Variants in ZMYM3 observed in about 807,000 individuals in gnomAD.
ZMYM3 encodes the protein zinc finger MYM-type containing 3, also known as zinc finger MYM-type protein 3.
In ZMYM3, 6 loss-of-function variants were observed where a neutral mutation model predicts 94.2. The ratio of observed to expected loss-of-function variants is 0.06; its 90% confidence interval spans 0.03 to 0.13. The LOEUF (loss-of-function observed/expected upper bound fraction) is 0.13, where lower values mean the gene tolerates loss of function less well. Ranked by LOEUF, ZMYM3 falls within the 10% of genes least tolerant of loss-of-function variation. The pLI, the probability that ZMYM3 is intolerant of heterozygous loss-of-function variation, is 1.00. For synonymous variants in ZMYM3, 420 were observed against 426.5 expected (o/e 0.98, Z 0.19); for missense variants, 664 against 1,132.6 (o/e 0.59, Z 5.94).
intron 14 of ZMYM3, 39 bp from the exon 15 acceptor site, chrX:71,246,551 T>C (rs757091179): frequency 6.2e-5 from 74 of 1,202,475 alleles, no homozygotes; most frequent in Middle Eastern, 2.3e-4. Context: ...CCAACCGCCG[T>C]ACCCTCCTCT....
chrX:71,252,716 G>A lies in ZMYM3; in HGVS notation c.540C>T (p.Pro180=). The A allele has an allele frequency of 8.3e-7, 1 of 1,205,953 alleles. No homozygotes were observed. Among genetic ancestry groups the A allele is most frequent in the East Asian group, 3.0e-5 (1 of 33,819 alleles). The change falls in exon 2 of 25, where the codon CCC becomes CCT. Residue 180 remains proline, a synonymous_variant. Transcript: ENST00000314425. ...RGSPGQEEEL[P]QGQPQSPNAP... is the part of the protein sequence containing the mutation. The stretch of plus-strand genomic sequence containing the variant: ...CATTTGGGCTCTGTGGCTGCCCTTG[G>A]GGAAGCTCCTCCTCCTGCCCAGGGG...
rs1163438554 is a variant in ZMYM3 at position 71,246,654 on chromosome X, T to C, written c.2353A>G (p.Thr785Ala). The C allele has an allele frequency of 8.3e-7, 1 of 1,209,704 alleles. No homozygotes were observed. The highest frequency in any genetic ancestry group is 1.8e-5 in the African/African-American group (1 of 57,049). Reference protein sequence around the residue: ...PESKPQTPSQTKVENSNTVRT... With the variant: ...PESKPQTPSQAKVENSNTVRT... Reference sequence around the variant, plus strand: ...ACTGTGTTGCTGTTCTCCACTTTGGTTTGAGAGGGTGTCTGGGGTTTTGAC... The same window carrying C: ...ACTGTGTTGCTGTTCTCCACTTTGGCTTGAGAGGGTGTCTGGGGTTTTGAC... The change falls in exon 14 of 25, where the codon ACC becomes GCC. Residue 785 changes from threonine (T) to alanine (A), a missense_variant. Thr to Ala is a moderately conservative substitution (Grantham distance 58). Transcript: ENST00000314425.
At position 71,252,967 on chromosome X, in the gene ZMYM3, G is replaced by C; in HGVS notation, c.289C>G (p.His97Asp). The C allele has an allele frequency of 8.3e-7, 1 of 1,211,526 alleles. No individual in the cohort carries two copies. The highest frequency in any genetic ancestry group is 1.1e-6 in the Non-Finnish European group (1 of 895,369). The change falls in exon 2 of 25, where the codon CAC becomes GAC. Residue 97 changes from histidine (H) to aspartate (D), a missense_variant. His to Asp is a moderately conservative substitution (Grantham distance 81). Coordinates refer to ENST00000314425, the MANE Select transcript of ZMYM3 (RefSeq NM_201599.3). ...YKAPSPPEVD[H>D]GPEGTLAWDA... is the part of the protein sequence containing the mutation. ...CATGCCAGGGTTCCCTCAGGACCGT[G>C]GTCCACCTCCGGGGGAGAGGGGGCT...
intron 21 of ZMYM3, 140 bp from the exon 22 acceptor site, chrX:71,243,224 T>G (rs1312471833): frequency 2.0e-6 from 1 of 503,092 alleles, no homozygotes; most frequent in Non-Finnish European, 3.4e-6. Context: ...TGGCCTCGAG[T>G]GCTTTCCCCC....
Position 71,240,814 on chromosome X carries a change from C to T in ZMYM3, c.*102G>A. 2.2e-6 allele frequency: 2 copies of T among 903,950 alleles called. No homozygotes were observed. The highest frequency in any genetic ancestry group is 3.5e-4 in the Middle Eastern group (1 of 2,880). 74.5% of individuals were successfully genotyped at this position (903,950 alleles called of 1,213,427 possible). ...GGTGAGCGGAAAGGAGCAGTCAGGG[C>T]CCTTCAGAATGAGTAGCATTGGTTC... On this transcript the variant is annotated 3_prime_UTR_variant, in exon 25 of 25. Coordinates refer to ENST00000314425, the MANE Select transcript of ZMYM3 (RefSeq NM_201599.3).
chrX:71,242,047 A>G (rs867039411), intron 23 of ZMYM3, 123 bp downstream of exon 23: 1 of 796,747 alleles, frequency 1.3e-6, no homozygotes, highest in Admixed American at 4.7e-5. Flanking sequence ...GCACACAGGA[A>G]CAGGAGAGGG....
rs1170440885 is a variant in ZMYM3, at chrX:71,253,034, A to T, written c.222T>A (p.Asp74Glu). 8.3e-7 allele frequency: 1 copy of T among 1,203,244 alleles called. No individual in the cohort carries two copies. Among genetic ancestry groups the T allele is most frequent in the Admixed American group, 2.2e-5 (1 of 45,020 alleles). ...CCAGCCCCAGCAACTCAGTGGCTCC[A>T]TCCAGGACTCCAGGGTCTTTTTCCA... ...AGLEKDPGVL[D>E]GATELLGLGG... Residue 74 changes from aspartate to glutamate, a missense_variant, in exon 2 of 25, where the codon GAT becomes GAA. Transcript: ENST00000314425.
intron 16 of ZMYM3, 50 bp from the exon 17 acceptor site, chrX:71,245,892 G>A (rs2030146491): frequency 1.7e-6 from 2 of 1,193,118 alleles, no homozygotes; most frequent in African/African-American, 1.8e-5. Flanking sequence ...CAGCAGTTGG[G>A]GGGAAGTTGG....
chrX:71,242,439 G>A lies in ZMYM3; in HGVS notation c.3548-15C>T. ...GAACACCGTATCTACAATGGTCAAG[G>A]GGGAGAGGCCAGTCAGGAGGGAGTG... On this transcript the variant is annotated splice_polypyrimidine_tract_variant and intron_variant, in intron 22 of 24. Transcript: ENST00000314425. The A allele has an allele frequency of 4.1e-6, 5 of 1,207,243 alleles. No individual in the cohort carries two copies. Among genetic ancestry groups the A allele is most frequent in the Non-Finnish European group, 5.6e-6 (5 of 892,321 alleles).
chrX:71,241,391 A>G, intron 23 of ZMYM3, 47 bp from the exon 24 acceptor site: 1 of 1,020,785 alleles, frequency 9.8e-7, no homozygotes, highest in Non-Finnish European at 1.3e-6. Flanking sequence ...CACAGGCTCC[A>G]TGAGCCACAT....
rs2030119169 is a variant in ZMYM3, at chrX:71,245,261, CAGGGACACA to C, written c.3007+69_3007+77del. The stretch of plus-strand genomic sequence containing the variant: ...AATGAACACTTTTCAGGGTCATGCT[CAGGGACACA>C]AGGGACACTCCCTTCCTGATGGCAC... On this transcript the variant is annotated intron_variant, in intron 18 of 24. Transcript: ENST00000314425. 5.2e-6 allele frequency: 6 copies of C among 1,145,117 alleles called. No individual in the cohort carries two copies. In the Admixed American group the frequency reaches 9.6e-5, roughly 18 times the overall value. The allele number at this position is 1,145,117 out of a possible 1,213,427, so 94.4% of individuals were successfully genotyped here. A position where few individuals can be genotyped will look rare whatever the true frequency, so the allele number is the denominator to read the frequency against.
In ZMYM3 at chrX:71,240,948, G is replaced by A. The variant is rs140177072; in HGVS notation, c.4081C>T (p.Leu1361=). 7.8e-5 allele frequency: 94 copies of A among 1,209,592 alleles called. No individual in the cohort carries two copies. The African/African-American group carries it at 1.2e-3, about 16-fold the overall frequency. ...AGGTCTTCCTCCCCAGGACGACCCA[G>A]TTCCTCATAAATCTCGCGCACAGCC... ...ILAVREIYEE[L]GRPGEEDLD Residue 1361 remains leucine (L), a synonymous_variant, in exon 25 of 25, where the codon CTG becomes TTG. Transcript: ENST00000314425.
rs762986363 is a variant in ZMYM3, at chrX:71,244,558, G to T, written c.3112-88C>A. The T allele has an allele frequency of 1.2e-5, 13 of 1,061,319 alleles. No homozygotes were observed. In the East Asian group the frequency reaches 4.2e-4, roughly 34 times the overall value. 87.5% of individuals were successfully genotyped at this position (1,061,319 alleles called of 1,213,427 possible). A position where few individuals can be genotyped will look rare whatever the true frequency, so the allele number is the denominator to read the frequency against. ...TCAGCACCATATTTACTGCTGGCCGGGGCAGGGGCTGATGTAAGCACACAG... is the reference window on the plus strand; with the variant it reads ...TCAGCACCATATTTACTGCTGGCCGTGGCAGGGGCTGATGTAAGCACACAG... On this transcript the variant is annotated intron_variant, in intron 19 of 24. Transcript: ENST00000314425.
At chrX:71,253,436 C>G (rs2030599005) in intron 1 of ZMYM3, among the ~76,000 whole-genome samples, 162 bp from the exon 2 acceptor site, 1 of 106,951 alleles carries the variant, frequency 9.4e-6, no homozygotes, top group African/African-American at 3.4e-5. Context: ...TCCTAATGAC[C>G]ACTCCCCCCA....
chrX:71,253,201 G>A lies in ZMYM3; in HGVS notation c.55C>T (p.Pro19Ser), dbSNP rs1225554359. 7.6e-6 allele frequency: 9 copies of A among 1,190,840 alleles called. No homozygotes were observed. Among genetic ancestry groups the A allele is most frequent in the Admixed American group, 2.3e-5 (1 of 43,425 alleles). The change falls in exon 2 of 25, where the codon CCC becomes TCC. Residue 19 changes from proline (P) to serine (S), a missense_variant. By Grantham distance (74) the Pro-to-Ser change is moderately conservative (BLOSUM62 -1). Coordinates refer to ENST00000314425, the MANE Select transcript of ZMYM3 (RefSeq NM_201599.3). ...TCTACTGGTAGGTCTCCAGCCAGGG[G>A]CTTCTCTGGCAGGGTCAATGGGTCA... ...PFDPLTLPEK[P>S]LAGDLPVDME...
intron 13 of ZMYM3, 127 bp downstream of exon 13, chrX:71,247,218 T>C (rs1232001965): frequency 1.6e-6 from 1 of 620,911 alleles, no homozygotes; most frequent in Non-Finnish European, 2.4e-6. Context: ...AGAATACAGT[T>C]CACAGTACTA....
At chrX:71,248,054 C>G (rs1052837886) in intron 11 of ZMYM3, 108 bp downstream of exon 11, 38 of 1,117,446 alleles carry the variant, frequency 3.4e-5, no homozygotes, top group Non-Finnish European at 4.4e-5. Flanking sequence ...TAGAACATCC[C>G]GGGCAGAAGG....
At position 71,252,621 on chromosome X, in the gene ZMYM3, C is replaced by T. The variant is rs752294993; in HGVS notation, c.635G>A (p.Gly212Asp). The part of the protein sequence containing the change: ...GINSSQTKPG[G>D]SSPPAHPSLP... ...GGAAGGATGTGCAGGGGGGCTAGAG[C>T]CCCCAGGTTTGGTCTGAGAACTGTT... Residue 212 changes from glycine to aspartate, a missense_variant, in exon 2 of 25, where the codon GGC becomes GAC. By Grantham distance (94) the Gly-to-Asp change is moderately conservative (BLOSUM62 -1). Transcript: ENST00000314425. 2 of 1,137,970 alleles carry T rather than the reference C, an allele frequency of 1.8e-6. No homozygotes were observed. Among genetic ancestry groups the T allele is most frequent in the Middle Eastern group, 2.5e-4 (1 of 4,028 alleles). The allele number at this position is 1,137,970 out of a possible 1,213,427, so 93.8% of individuals were successfully genotyped here.
At chrX:71,243,462 C>T (rs1192940929) in intron 21 of ZMYM3, among the ~76,000 whole-genome samples, 2 of 111,735 alleles carry the variant, frequency 1.8e-5, no homozygotes, top group Admixed American at 1.9e-4. Context: ...ATGAAGACTG[C>T]TCCTTGGCCA....
Sources: gnomAD v4.1 joint callset for allele counts (sites outside exome capture counted in the v4.1 genomes callset) on GRCh38, gnomAD v4.1.1 for gene constraint, MANE v1.5 for transcripts, NCBI Gene and HGNC (gene_info 2026-07-23, HGNC 2026-07-21) for gene names.